Variants in FBXW11 observed in about 807,000 individuals in gnomAD.
FBXW11 encodes F-box and WD repeat domain containing 11.
Under a neutral mutation model 77.6 loss-of-function variants are expected in FBXW11, and 19 were observed. That is an observed-to-expected ratio of 0.24 (90% CI 0.17 to 0.36). The LOEUF (loss-of-function observed/expected upper bound fraction) is 0.36, where lower values mean the gene tolerates loss of function less well. Among genes scored for constraint, FBXW11 ranks in the 10% least tolerant of loss-of-function variants. The pLI, the probability that FBXW11 is intolerant of heterozygous loss-of-function variation, is 1.00. For missense variants in FBXW11, 334 were observed against 704.2 expected (o/e 0.47, Z 5.95); for synonymous variants, 235 against 249.4 (o/e 0.94, Z 0.54).
In FBXW11 at chr5:171,904,989, G is replaced by A. The variant is rs1760377583; in HGVS notation, c.437-4889C>T. Reference sequence around the variant, plus strand: ...TTCCCCCATCAATTGCTCACAACTAGGCTATCATGAGTTTTTACAGAAATA... The same window carrying A: ...TTCCCCCATCAATTGCTCACAACTAAGCTATCATGAGTTTTTACAGAAATA... On this transcript the variant is annotated intron_variant, in intron 4 of 13. Coordinates refer to ENST00000517395, the MANE Select transcript of FBXW11 (RefSeq NM_001378974.1). The surrounding 1 kb of genome is among the most constrained non-coding windows in gnomAD (Gnocchi z 4.0). 6.6e-6 allele frequency among the ~76,000 whole-genome samples: 1 copy of A among 151,976 alleles called. No homozygotes were observed. Among genetic ancestry groups the A allele is most frequent in the Non-Finnish European group, 1.5e-5 (1 of 68,004 alleles).
intron 7 of FBXW11, among the ~76,000 whole-genome samples, chr5:171,887,142 C>T (rs1253932508): frequency 6.6e-6 from 1 of 152,108 alleles, no homozygotes; most frequent in Non-Finnish European, 1.5e-5. Flanking sequence ...CTACTGTATC[C>T]TGTGAATTTC....
At chr5:171,952,597 C>T (rs1451945723) in intron 2 of FBXW11, among the ~76,000 whole-genome samples, 1 of 149,326 alleles carries the variant, frequency 6.7e-6, no homozygotes, top group Non-Finnish European at 1.5e-5. Flanking sequence ...GGATTACAGG[C>T]GCCCATCATC....
chr5:171,891,412 G>A, intron 7 of FBXW11, 55 bp downstream of exon 7: 2 of 1,508,314 alleles, frequency 1.3e-6, no homozygotes, highest in Non-Finnish European at 1.8e-6. Flanking sequence ...CACATCTAGT[G>A]TCTAACACAT....
At chr5:171,994,797 G>A (rs1765938587) in intron 1 of FBXW11, among the ~76,000 whole-genome samples, 1 of 152,078 alleles carries the variant, frequency 6.6e-6, no homozygotes, top group Non-Finnish European at 1.5e-5. Flanking sequence ...CAACACTTCA[G>A]GAGGCCGAGT....
chr5:171,888,643 G>A (rs926412324), intron 7 of FBXW11, among the ~76,000 whole-genome samples: 1 of 152,114 alleles, frequency 6.6e-6, no homozygotes, highest in African/African-American at 2.4e-5. Flanking sequence ...TATCCACAAT[G>A]CCCAAAATAC....
chr5:171,973,345 A>G (rs865889425), intron 1 of FBXW11, among the ~76,000 whole-genome samples: 3 of 152,236 alleles, frequency 2.0e-5, no homozygotes, highest in Middle Eastern at 3.2e-3. Context: ...ATTTTTATAG[A>G]TTCAAAGAGA....
intron 13 of FBXW11, among the ~76,000 whole-genome samples, chr5:171,867,264 G>A (rs985587553): frequency 3.3e-5 from 5 of 152,100 alleles, no homozygotes; most frequent in Admixed American, 3.3e-4. Flanking sequence ...CAACTACTAA[G>A]CTCTGCCACT....
intron 1 of FBXW11, among the ~76,000 whole-genome samples, chr5:171,969,852 C>T (rs1340567051): frequency 6.6e-6 from 1 of 152,102 alleles, no homozygotes; most frequent in Non-Finnish European, 1.5e-5. Context: ...TACAGGTGTG[C>T]ACCACCACAC....
In FBXW11 at chr5:171,966,871, C is replaced by T. The variant is rs936705307; in HGVS notation, c.46-9173G>A. Among the ~76,000 whole-genome samples, 4 of 152,262 alleles carry T rather than the reference C, an allele frequency of 2.6e-5. No individual in the cohort carries two copies. The East Asian group carries it at 5.8e-4, about 22-fold the overall frequency. On this transcript the variant is annotated intron_variant, in intron 1 of 13. Coordinates refer to ENST00000517395, the MANE Select transcript of FBXW11 (RefSeq NM_001378974.1). ...CAAAGTGAGTACCCTATGGCTATAC[C>T]GTACTCATTAACTCTCATACCACCT... is the stretch of plus-strand genomic sequence containing the variant.
At chr5:171,961,499 C>T (rs1422679970) in intron 1 of FBXW11, among the ~76,000 whole-genome samples, 1 of 152,140 alleles carries the variant, frequency 6.6e-6, no homozygotes, top group Non-Finnish European at 1.5e-5. Flanking sequence ...TCTGTACCCG[C>T]TAGCCAAAAC....
chr5:171,987,748 C>A (rs1307201693), intron 1 of FBXW11, among the ~76,000 whole-genome samples: 3 of 152,030 alleles, frequency 2.0e-5, no homozygotes, highest in Non-Finnish European at 1.5e-5. Context: ...CTACCGCGCC[C>A]GGCCAAGGGT....
intron 2 of FBXW11, among the ~76,000 whole-genome samples, chr5:171,940,952 C>G (rs898148605): frequency 6.6e-6 from 1 of 150,916 alleles, no homozygotes; most frequent in African/African-American, 2.4e-5. Flanking sequence ...ACACTCTGAC[C>G]ATCGAAATAA....
At chr5:171,938,208 C>T (rs1762575345) in intron 2 of FBXW11, among the ~76,000 whole-genome samples, 1 of 152,182 alleles carries the variant, frequency 6.6e-6, no homozygotes, top group East Asian at 1.9e-4. Flanking sequence ...AAGGCACATG[C>T]ATGCCACCAT....
chr5:171,866,003 T>A (rs7735273), intron 13 of FBXW11, among the ~76,000 whole-genome samples: 10,231 of 152,226 alleles, frequency 0.067, 1,109 homozygotes, highest in African/African-American at 0.23. Flanking sequence ...GGTGGCTCAC[T>A]CCTTTATTCC....
At chr5:171,937,191 C>G (rs1762522960) in intron 2 of FBXW11, among the ~76,000 whole-genome samples, 1 of 152,058 alleles carries the variant, frequency 6.6e-6, no homozygotes, top group Admixed American at 6.6e-5. Context: ...CTTTATGGAG[C>G]TAGACAAAAT....
intron 1 of FBXW11, among the ~76,000 whole-genome samples, chr5:171,984,197 T>C (rs1218237247): frequency 6.6e-6 from 1 of 152,178 alleles, no homozygotes; most frequent in Non-Finnish European, 1.5e-5. Flanking sequence ...AGAGGAAGCC[T>C]TGAAATGCTC....
intron 6 of FBXW11, among the ~76,000 whole-genome samples, chr5:171,897,934 T>C (rs1759858407): frequency 6.6e-6 from 1 of 152,208 alleles, no homozygotes; most frequent in African/African-American, 2.4e-5. Context: ...CAACTTATTC[T>C]AAGTTTGGAA....
intron 1 of FBXW11, among the ~76,000 whole-genome samples, chr5:171,985,451 A>C (rs758119127): frequency 9.9e-5 from 15 of 151,884 alleles, no homozygotes; most frequent in Non-Finnish European, 1.9e-4. Flanking sequence ...AGTGAGACCC[A>C]GTATCTAAAA....
chr5:171,993,904 T>C (rs1455409446), intron 1 of FBXW11, among the ~76,000 whole-genome samples: 3 of 152,218 alleles, frequency 2.0e-5, no homozygotes, highest in African/African-American at 7.2e-5. Context: ...TTCAAACCTC[T>C]ACCATATTGA....
Sources: gnomAD v4.1 joint callset for allele counts (sites outside exome capture counted in the v4.1 genomes callset) on GRCh38, gnomAD v4.1.1 for gene constraint, Gnocchi (gnomAD v3.1) non-coding constraint, MANE v1.5 for transcripts, NCBI Gene and HGNC (gene_info 2026-07-23, HGNC 2026-07-21) for gene names.